The following THSD7B variants were observed in gnomAD, a reference collection of about 807,000 sequenced individuals.
THSD7B encodes the protein thrombospondin type 1 domain containing 7B, also known as thrombospondin type-1 domain-containing protein 7B.
THSD7B carries 138 observed loss-of-function variants against 213.6 expected under a neutral mutation model. The observed-to-expected ratio is 0.65, with a 90% CI of 0.56 to 0.74. THSD7B has a LOEUF of 0.74. THSD7B is among the 30% of genes least tolerant of loss of function. The probability of loss-of-function intolerance (pLI) is 0.00; values close to 1 mark genes in which losing one functional copy is unlikely to be tolerated. For missense variants in THSD7B, 1,931 were observed against 1,991.5 expected, an observed-to-expected ratio of 0.97 and a Z score of 0.58; for synonymous variants, 742 against 687.0, an observed-to-expected ratio of 1.08 and a Z score of -1.25.
At chr2:136,834,935 C>T (rs539446906) in intron 1 of THSD7B, among the ~76,000 whole-genome samples, 3 of 152,246 alleles carry the variant, frequency 2.0e-5, no homozygotes, top group Non-Finnish European at 2.9e-5. Flanking sequence ...GTTCAAATGT[C>T]CCCATTGTCT....
intron 3 of THSD7B, among the ~76,000 whole-genome samples, chr2:137,076,419 G>A (rs375737620): frequency 3.9e-4 from 60 of 152,334 alleles, no homozygotes; most frequent in South Asian, 3.3e-3. Flanking sequence ...CTGGTGTGCC[G>A]TTTTTTAGGC....
intron 2 of THSD7B, among the ~76,000 whole-genome samples, chr2:136,995,199 G>A (rs986756170): frequency 6.6e-6 from 1 of 152,176 alleles, no homozygotes; most frequent in African/African-American, 2.4e-5. Context: ...TTCTAGTGGG[G>A]TCTGTGACCA....
Position 137,190,910 on chromosome 2 carries a change from G to A in THSD7B, c.1723+19972G>A, listed in dbSNP as rs116261116. 3.0e-3 allele frequency among the ~76,000 whole-genome samples: 463 copies of A among 152,330 alleles called. 3 individuals carry two copies. The highest frequency in any genetic ancestry group is 0.01 in the African/African-American group (424 of 41,570). Reference sequence around the variant, plus strand: ...ACAGTCTGGCGGCTGTTTGCTGGCAGCGGACTGCTGCGTGTCTCCTTGGGG... The same window carrying A: ...ACAGTCTGGCGGCTGTTTGCTGGCAACGGACTGCTGCGTGTCTCCTTGGGG... On this transcript the variant is annotated intron_variant, in intron 7 of 27. Coordinates refer to ENST00000409968, the MANE Select transcript of THSD7B (RefSeq NM_001316349.2).
chr2:137,414,020 A>C (rs1482033186), intron 14 of THSD7B, among the ~76,000 whole-genome samples: 1 of 152,224 alleles, frequency 6.6e-6, no homozygotes, highest in Non-Finnish European at 1.5e-5. Flanking sequence ...GTTATCTGTC[A>C]TTCATCCGTA....
At chr2:136,979,783 C>A (rs1685543141) in intron 2 of THSD7B, among the ~76,000 whole-genome samples, 1 of 152,230 alleles carries the variant, frequency 6.6e-6, no homozygotes, top group African/African-American at 2.4e-5. Flanking sequence ...TCATCCATCT[C>A]AGCCTCAGCC....
rs748551585 is a variant in THSD7B, at chr2:137,412,597, C to CAAAAAAAAAAAAAA, written c.2959+738_2959+739insAAAAAAAAAAAAAA. Among the ~76,000 whole-genome samples, 3 of 24,100 alleles carry CAAAAAAAAAAAAAA rather than the reference C, an allele frequency of 1.2e-4. 1 individual carries two copies. Among genetic ancestry groups the CAAAAAAAAAAAAAA allele is most frequent in the Admixed American group, 1.5e-3 (2 of 1,336 alleles). The allele number at this position is 24,100 out of a possible 152,430, so 15.8% of individuals were successfully genotyped here. On this transcript the variant is annotated intron_variant, in intron 14 of 27. Transcript: ENST00000409968. ...GGGCAACGAGAGCAAAACTCTGTCT[C>CAAAAAAAAAAAAAA]AAAAAAAAAAAAACAAAAAAAAACA...
At position 136,807,173 on chromosome 2, in the gene THSD7B, T is replaced by G. The variant is rs545846809; in HGVS notation, c.-36+41486T>G. On this transcript the variant is annotated intron_variant, in intron 1 of 27. Coordinates refer to ENST00000409968, the MANE Select transcript of THSD7B (RefSeq NM_001316349.2). ...TTCTATATGGTGCCTTTTGGACAAG[T>G]CACTAAGTAGAGCCCAAACTTAAGA... 8.5e-5 allele frequency among the ~76,000 whole-genome samples: 13 copies of G among 152,298 alleles called. No individual in the cohort carries two copies. In the South Asian group the frequency reaches 2.7e-3, roughly 32 times the overall value.
Position 136,784,133 on chromosome 2 carries a change from G to A in THSD7B, c.-36+18446G>A, listed in dbSNP as rs185546290. On this transcript the variant is annotated intron_variant, in intron 1 of 27. Transcript: ENST00000409968. ...CTCTCTTTAGTTTCAAATCACAGTA[G>A]CAATATGATACGACTCACCTTTACC... 4.1e-4 allele frequency among the ~76,000 whole-genome samples: 63 copies of A among 152,262 alleles called. No homozygotes were observed. In the East Asian group the frequency reaches 0.011, roughly 26 times the overall value.
At chr2:136,873,200 T>A (rs1285335204) in intron 1 of THSD7B, among the ~76,000 whole-genome samples, 1 of 152,140 alleles carries the variant, frequency 6.6e-6, no homozygotes, top group African/African-American at 2.4e-5. Context: ...TTGTGAGGAC[T>A]TTTTGCGAAA....
chr2:137,001,146 A>G (rs573459162), intron 2 of THSD7B, among the ~76,000 whole-genome samples: 3 of 152,178 alleles, frequency 2.0e-5, no homozygotes, highest in South Asian at 2.1e-4. Context: ...TTTTAATGCT[A>G]TAGATTCATT....
At chr2:136,982,591 C>A (rs1282265934) in intron 2 of THSD7B, among the ~76,000 whole-genome samples, 1 of 152,132 alleles carries the variant, frequency 6.6e-6, no homozygotes, top group Non-Finnish European at 1.5e-5. Context: ...TTTAAAGCCT[C>A]GTGAGTAAAA....
At chr2:137,082,708 C>T (rs543104498) in intron 3 of THSD7B, among the ~76,000 whole-genome samples, 37 of 152,100 alleles carry the variant, frequency 2.4e-4, no homozygotes, top group African/African-American at 8.9e-4. Context: ...GCTGATATTG[C>T]TTATATCTCT....
At chr2:137,600,946 G>A (rs1682065804) in intron 17 of THSD7B, among the ~76,000 whole-genome samples, 1 of 151,896 alleles carries the variant, frequency 6.6e-6, no homozygotes. Flanking sequence ...GCTAAAACGT[G>A]TATTTATATC....
intron 15 of THSD7B, among the ~76,000 whole-genome samples, chr2:137,462,655 C>T (rs1687907392): frequency 6.6e-6 from 1 of 152,024 alleles, no homozygotes; most frequent in African/African-American, 2.4e-5. Flanking sequence ...AGGCTGCAGT[C>T]CTCAACATTG....
chr2:137,535,748 T>C (rs1459430854), intron 15 of THSD7B, among the ~76,000 whole-genome samples: 1 of 151,536 alleles, frequency 6.6e-6, no homozygotes, highest in Non-Finnish European at 1.5e-5. Flanking sequence ...CAGATAATGA[T>C]AGGTTATGAT....
intron 17 of THSD7B, among the ~76,000 whole-genome samples, chr2:137,601,107 T>TA (rs1328870476): frequency 7.9e-5 from 12 of 152,072 alleles, no homozygotes; most frequent in African/African-American, 2.9e-4. Flanking sequence ...GTCAAAAAGT[T>TA]AAAAAAATTA....
chr2:137,327,925 CAG>C (rs1264757173), intron 12 of THSD7B, among the ~76,000 whole-genome samples: 1 of 152,140 alleles, frequency 6.6e-6, no homozygotes, highest in Non-Finnish European at 1.5e-5. Flanking sequence ...TTTCAAAAAG[CAG>C]ATAGTCCAAG....
Position 137,669,783 on chromosome 2 carries a change from A to G in THSD7B, c.4739+1922A>G, listed in dbSNP as rs534245631. Among the ~76,000 whole-genome samples the G allele has an allele frequency of 7.0e-4, 106 of 152,320 alleles. 1 individual carries two copies. The highest frequency in any genetic ancestry group is 2.4e-3 in the African/African-American group (101 of 41,580). ...GTTCCCATTTCCCCTAAGTATTTAA[A>G]AGATTAAAAATTTACGTGTAGTAAC... On this transcript the variant is annotated intron_variant, in intron 27 of 27. Coordinates refer to ENST00000409968, the MANE Select transcript of THSD7B (RefSeq NM_001316349.2).
rs371193598 is a variant in THSD7B at position 136,999,923 on chromosome 2, A to C, written c.140-56497A>C. ...TGGATGGAGAGCAGTTAGGGTTCCAAATTTAATTGTATGAAATATTCCAGG... is the reference window on the plus strand; with the variant it reads ...TGGATGGAGAGCAGTTAGGGTTCCACATTTAATTGTATGAAATATTCCAGG... On this transcript the variant is annotated intron_variant, in intron 2 of 27. Transcript: ENST00000409968. 3.5e-4 allele frequency among the ~76,000 whole-genome samples: 54 copies of C among 152,250 alleles called. No homozygotes were observed. The East Asian group carries it at 0.01, about 29-fold the overall frequency.
Sources: allele counts gnomAD v4.1 joint callset (sites outside exome capture counted in the v4.1 genomes callset), GRCh38; gene constraint gnomAD v4.1.1; transcripts MANE v1.5; gene names NCBI Gene and HGNC (gene_info 2026-07-23, HGNC 2026-07-21).